The following GPCPD1 variants were observed in gnomAD, a reference collection of about 807,000 sequenced individuals.
GPCPD1 encodes the protein glycerophosphocholine phosphodiesterase 1.
In GPCPD1, 29 loss-of-function variants were observed where a neutral mutation model predicts 89.2. The observed-to-expected ratio is 0.33, with a 90% CI of 0.24 to 0.44. The LOEUF (loss-of-function observed/expected upper bound fraction) is 0.44, where lower values mean the gene tolerates loss of function less well. Ranked by LOEUF, GPCPD1 falls within the 20% of genes least tolerant of loss-of-function variation. The probability of loss-of-function intolerance (pLI) is 1.00; values close to 1 mark genes in which losing one functional copy is unlikely to be tolerated. For missense variants in GPCPD1, 594 were observed against 808.9 expected, an observed-to-expected ratio of 0.73 and a Z score of 3.22; for synonymous variants, 258 against 266.3, an observed-to-expected ratio of 0.97 and a Z score of 0.30.
chr20:5,602,748 C>G (rs1878174909), intron 2 of GPCPD1, among the ~76,000 whole-genome samples: 1 of 152,100 alleles, frequency 6.6e-6, no homozygotes, highest in Admixed American at 6.6e-5. Flanking sequence ...TTTGCGGGGC[C>G]AAGGTAGGCA....
At chr20:5,595,165 A>C (rs59599966) in intron 3 of GPCPD1, among the ~76,000 whole-genome samples, 15,794 of 152,260 alleles carry the variant, frequency 0.1, 1,345 homozygotes, top group African/African-American at 0.23. Flanking sequence ...ATTTTTTAGC[A>C]ATAAAGTATT....
chr20:5,566,299 T>C (rs183530138), intron 14 of GPCPD1, among the ~76,000 whole-genome samples: 159 of 152,336 alleles, frequency 1.0e-3, no homozygotes, highest in African/African-American at 3.6e-3. Context: ...AAGCCTCATA[T>C]GAATGGCACA....
At chr20:5,576,040 TACACACACAC>T (rs36119025) in intron 8 of GPCPD1, 62 bp from the exon 9 acceptor site, 2 of 603,238 alleles carry the variant, frequency 3.3e-6, no homozygotes, top group African/African-American at 1.9e-5. Flanking sequence ...TACATACATA[TACACACACAC>T]ACACACACAC....
At chr20:5,569,914 T>G (rs566148905) in intron 12 of GPCPD1, among the ~76,000 whole-genome samples, 54 of 152,212 alleles carry the variant, frequency 3.5e-4, no homozygotes, top group African/African-American at 1.3e-3. Flanking sequence ...CCCTTTTTTG[T>G]AACATAATAA....
intron 16 of GPCPD1, among the ~76,000 whole-genome samples, chr20:5,561,213 A>T (rs575295652): frequency 1.3e-5 from 2 of 152,182 alleles, no homozygotes; most frequent in Non-Finnish European, 2.9e-5. Context: ...CCCCAAAACC[A>T]CCATATTGTT....
At chr20:5,606,337 T>G (rs1002275176) in intron 1 of GPCPD1, among the ~76,000 whole-genome samples, 10 of 151,478 alleles carry the variant, frequency 6.6e-5, no homozygotes, top group Non-Finnish European at 1.5e-4. Context: ...TCCAATCACA[T>G]CTTTATTCTG....
chr20:5,581,521 G>A (rs1978483468), intron 6 of GPCPD1, among the ~76,000 whole-genome samples: 1 of 152,112 alleles, frequency 6.6e-6, no homozygotes, highest in African/African-American at 2.4e-5. Flanking sequence ...TAGTGCCGGG[G>A]GTGTGAGATA....
chr20:5,604,808 C>CACA (rs1555811065), intron 1 of GPCPD1, among the ~76,000 whole-genome samples: 3 of 151,108 alleles, frequency 2.0e-5, no homozygotes, highest in Non-Finnish European at 3.0e-5. Flanking sequence ...CACACACACG[C>CACA]CAGGCATGGG....
intron 4 of GPCPD1, 86 bp from the exon 5 acceptor site, chr20:5,586,355 C>A: frequency 1.4e-6 from 1 of 723,614 alleles, no homozygotes. Flanking sequence ...TGGCCTAAAT[C>A]TTATACTAAA....
chr20:5,570,038 T>C (rs1468880717), intron 12 of GPCPD1, 109 bp downstream of exon 12: 1 of 532,392 alleles, frequency 1.9e-6, no homozygotes, highest in Non-Finnish European at 3.4e-6. Flanking sequence ...ACCAAGAAAA[T>C]GAATTAACCA....
intron 6 of GPCPD1, among the ~76,000 whole-genome samples, chr20:5,582,307 A>G (rs937104123): frequency 6.6e-6 from 1 of 151,558 alleles, no homozygotes; most frequent in Non-Finnish European, 1.5e-5. Context: ...CACTAAAGCT[A>G]TTCAAGTACT....
At chr20:5,566,813 T>G in intron 13 of GPCPD1, 41 bp from the exon 14 acceptor site, 1 of 1,348,278 alleles carries the variant, frequency 7.4e-7, no homozygotes. Flanking sequence ...AAAGGAAGCC[T>G]TAGCTTATGA....
intron 4 of GPCPD1, among the ~76,000 whole-genome samples, chr20:5,589,463 T>G (rs868058295): frequency 6.6e-6 from 1 of 152,050 alleles, no homozygotes; most frequent in African/African-American, 2.4e-5. Context: ...AATACAAAAA[T>G]TAGCCGGGCA....
intron 3 of GPCPD1, among the ~76,000 whole-genome samples, chr20:5,595,150 G>C (rs1423828421): frequency 6.6e-6 from 1 of 152,084 alleles, no homozygotes; most frequent in Non-Finnish European, 1.5e-5. Flanking sequence ...TCAAATGATT[G>C]TATCATTTTT....
intron 11 of GPCPD1, among the ~76,000 whole-genome samples, chr20:5,570,928 GAAAGAAAGA>G (rs747662633): frequency 8.6e-4 from 131 of 152,184 alleles, no homozygotes; most frequent in African/African-American, 2.3e-3. Flanking sequence ...AAAAAAGAAA[GAAAGAAAGA>G]AAAAGGCAGA....
Position 5,573,934 on chromosome 20 carries a change from A to C in GPCPD1, c.1037T>G (p.Leu346Ter). 6.6e-7 allele frequency: 1 copy of C among 1,525,578 alleles called. No homozygotes were observed. The highest frequency in any genetic ancestry group is 9.1e-7 in the Non-Finnish European group (1 of 1,099,158). The allele number at this position is 1,525,578 out of a possible 1,614,324, so 94.5% of individuals were successfully genotyped here. Residue 346 changes from leucine (L) to a stop codon, truncating the protein, a stop_gained, in exon 11 of 20, where the codon TTA becomes TGA. Transcript: ENST00000379019. LOFTEE classifies it high-confidence loss of function. The part of the protein sequence containing the change: ...AKVQENTIAS[L>*]RNAASHGAAF... ...ACTTACATGACTAGCAGCATTTCTTAAAGAAGCAATAGTATTTTCTTGAAC... is the reference window on the plus strand; with the variant it reads ...ACTTACATGACTAGCAGCATTTCTTCAAGAAGCAATAGTATTTTCTTGAAC...
intron 3 of GPCPD1, among the ~76,000 whole-genome samples, chr20:5,595,807 G>GA (rs369995139): frequency 5.5e-5 from 3 of 54,936 alleles, no homozygotes; most frequent in Non-Finnish European, 8.1e-5. Flanking sequence ...AAGAAAAAAA[G>GA]GGGGGGGGAC....
chr20:5,556,172 A>G (rs1985755781), intron 19 of GPCPD1, among the ~76,000 whole-genome samples: 1 of 152,184 alleles, frequency 6.6e-6, no homozygotes, highest in Non-Finnish European at 1.5e-5. Context: ...TCTCAGACAC[A>G]ACGCTACTGT....
intron 11 of GPCPD1, among the ~76,000 whole-genome samples, chr20:5,572,985 C>A (rs1337550515): frequency 6.6e-6 from 1 of 152,166 alleles, no homozygotes; most frequent in Non-Finnish European, 1.5e-5. Flanking sequence ...AAAGCTCCAG[C>A]CTCAGACTCC....
Sources: allele counts gnomAD v4.1 joint callset (sites outside exome capture counted in the v4.1 genomes callset), GRCh38; gene constraint gnomAD v4.1.1; transcripts MANE v1.5; gene names NCBI Gene and HGNC (gene_info 2026-07-23, HGNC 2026-07-21).